Variants in LRRTM4 observed in about 807,000 individuals in gnomAD.
The protein encoded by LRRTM4 is leucine-rich repeat transmembrane neuronal protein 4.
A neutral mutation model predicts 47.6 loss-of-function variants in LRRTM4; 25 were observed. The ratio of observed to expected loss-of-function variants is 0.53; its 90% CI spans 0.38 to 0.73. LRRTM4 has a LOEUF of 0.73. LRRTM4 is among the 30% of genes least tolerant of loss of function. The pLI, the probability that LRRTM4 is intolerant of heterozygous loss-of-function variation, is 0.00. For synonymous variants in LRRTM4, 311 were observed against 269.5 expected (o/e 1.15, Z -1.51); for missense variants, 638 against 713.4 (o/e 0.89, Z 1.20).
At chr2:77,407,634 T>C (rs994203845) in intron 3 of LRRTM4, among the ~76,000 whole-genome samples, 1 of 124,048 alleles carries the variant, frequency 8.1e-6, no homozygotes, top group East Asian at 2.4e-4. Context: ...TATGATATAT[T>C]ATTATATAAT....
At chr2:76,783,157 T>C (rs143375073) in intron 3 of LRRTM4, among the ~76,000 whole-genome samples, 22 of 152,222 alleles carry the variant, frequency 1.4e-4, no homozygotes, top group African/African-American at 4.6e-4. Context: ...TCCACCAACA[T>C]TGAATGAATA....
At chr2:76,962,129 CTA>C (rs1675880487) in intron 3 of LRRTM4, among the ~76,000 whole-genome samples, 2 of 151,140 alleles carry the variant, frequency 1.3e-5, no homozygotes, top group Non-Finnish European at 3.0e-5. Flanking sequence ...GAGTAGTAAA[CTA>C]TATGTTTAAG....
chr2:77,387,934 G>C (rs982731685), intron 3 of LRRTM4, among the ~76,000 whole-genome samples: 1 of 151,916 alleles, frequency 6.6e-6, no homozygotes, highest in Non-Finnish European at 1.5e-5. Context: ...AAATTGATCA[G>C]GATATTTAAA....
chr2:76,883,812 G>T (rs1478091992), intron 3 of LRRTM4, among the ~76,000 whole-genome samples: 1 of 152,136 alleles, frequency 6.6e-6, no homozygotes, highest in Non-Finnish European at 1.5e-5. Context: ...ATTGTGAATT[G>T]ACTGGGAGAA....
At chr2:76,875,712 G>A (rs978364289) in intron 3 of LRRTM4, among the ~76,000 whole-genome samples, 12 of 152,126 alleles carry the variant, frequency 7.9e-5, no homozygotes, top group African/African-American at 2.4e-4. Context: ...TGCCATTGAG[G>A]AGTCATTCTT....
chr2:77,480,837 GAGA>G (rs1456657829), intron 3 of LRRTM4, among the ~76,000 whole-genome samples: 5,117 of 50,930 alleles, frequency 0.1, 98 homozygotes, highest in Non-Finnish European at 0.16. Context: ...GAGAGAGAGA[GAGA>G]GAGAGAGAGA....
chr2:77,388,077 T>C (rs1673354647), intron 3 of LRRTM4, among the ~76,000 whole-genome samples: 1 of 151,892 alleles, frequency 6.6e-6, no homozygotes, highest in African/African-American at 2.4e-5. Flanking sequence ...GCGTGGTAAA[T>C]TGATTTGCCT....
chr2:77,519,960 G>A lies in LRRTM4; in HGVS notation c.5-96C>T, dbSNP rs1679418667. On this transcript the variant is annotated intron_variant, in intron 2 of 3. Coordinates refer to ENST00000409884, the MANE Select transcript of LRRTM4 (RefSeq NM_001134745.3). This position sits in a 1 kb window ranked among gnomAD's most constrained non-coding sequence, Gnocchi z 4.6. ...AACAGGGGCATTTCCTCTAGTGTAG[G>A]AATGGGACAGTTGATTTAAGGAAAA... is the stretch of plus-strand genomic sequence containing the variant. 6.9e-7 allele frequency: 1 copy of A among 1,444,908 alleles called. No individual in the cohort carries two copies. Among genetic ancestry groups the A allele is most frequent in the South Asian group, 1.5e-5 (1 of 66,856 alleles). The allele number at this position is 1,444,908 out of a possible 1,614,324, so 89.5% of individuals were successfully genotyped here.
intron 3 of LRRTM4, among the ~76,000 whole-genome samples, chr2:77,476,965 TGTGTGTG>T (rs1677420995): frequency 3.1e-5 from 1 of 32,266 alleles, no homozygotes; most frequent in Non-Finnish European, 5.0e-5. Context: ...TTGTAAGAGA[TGTGTGTG>T]TGTGTGTGTG....
chr2:76,910,933 A>G (rs1674031934), intron 3 of LRRTM4, among the ~76,000 whole-genome samples: 1 of 152,214 alleles, frequency 6.6e-6, no homozygotes, highest in Admixed American at 6.5e-5. Context: ...AATGGTACTG[A>G]GAAATACATT....
rs78645082 is a variant in LRRTM4 at position 77,339,671 on chromosome 2, C to A, written c.1551+178647G>T. ...CCTTAAATCCCCCGACTGTATTACA[C>A]TGATTCCCTCTCTTGAATGTAATAT... On this transcript the variant is annotated intron_variant, in intron 3 of 3. Transcript: ENST00000409884. 5.1e-4 allele frequency among the ~76,000 whole-genome samples: 78 copies of A among 152,108 alleles called. 1 individual carries two copies. In the East Asian group the frequency reaches 0.011, roughly 22 times the overall value.
At chr2:77,360,545 C>CG (rs1258218812) in intron 3 of LRRTM4, among the ~76,000 whole-genome samples, 113 of 132,340 alleles carry the variant, frequency 8.5e-4, no homozygotes, top group Non-Finnish European at 1.2e-3. Context: ...ACAATACAAT[C>CG]ATTCATACAT....
intron 3 of LRRTM4, among the ~76,000 whole-genome samples, chr2:77,168,853 T>C (rs1015427411): frequency 2.0e-5 from 3 of 152,278 alleles, no homozygotes; most frequent in East Asian, 1.9e-4. Flanking sequence ...CTTCTATCCA[T>C]GTTTCTGCAA....
intron 3 of LRRTM4, among the ~76,000 whole-genome samples, chr2:77,495,037 T>A (rs939053102): frequency 6.6e-6 from 1 of 152,138 alleles, no homozygotes. Flanking sequence ...AATTTGTTTA[T>A]CCATTAATCT....
At chr2:77,436,726 A>C (rs1487984876) in intron 3 of LRRTM4, among the ~76,000 whole-genome samples, 1 of 151,818 alleles carries the variant, frequency 6.6e-6, no homozygotes, top group African/African-American at 2.4e-5. Flanking sequence ...CAATACATTA[A>C]TTTCTGCTTT....
chr2:76,951,294 G>T (rs915332772), intron 3 of LRRTM4, among the ~76,000 whole-genome samples: 1 of 152,000 alleles, frequency 6.6e-6, no homozygotes, highest in Non-Finnish European at 1.5e-5. Flanking sequence ...GACGTATAAT[G>T]ATTAGGAGAG....
chr2:77,157,433 ATGT>A (rs1202297426), intron 3 of LRRTM4, among the ~76,000 whole-genome samples: 4 of 152,180 alleles, frequency 2.6e-5, no homozygotes, highest in African/African-American at 7.2e-5. Flanking sequence ...CATAAATTTG[ATGT>A]TGTATAGACA....
intron 3 of LRRTM4, among the ~76,000 whole-genome samples, chr2:77,418,077 A>C (rs1222886933): frequency 6.6e-6 from 1 of 152,144 alleles, no homozygotes; most frequent in African/African-American, 2.4e-5. Context: ...GCAAACTTTC[A>C]TTAGGGAAGC....
intron 3 of LRRTM4, among the ~76,000 whole-genome samples, chr2:77,029,716 A>C (rs1021857422): frequency 3.9e-5 from 6 of 152,220 alleles, no homozygotes; most frequent in African/African-American, 1.4e-4. Flanking sequence ...GAATTTCTGA[A>C]GAGAGGGAAT....
Sources: allele counts gnomAD v4.1 joint callset (sites outside exome capture counted in the v4.1 genomes callset), GRCh38; gene constraint gnomAD v4.1.1; non-coding constraint Gnocchi (gnomAD v3.1); transcripts MANE v1.5; gene names NCBI Gene and HGNC (gene_info 2026-07-23, HGNC 2026-07-21).